The following SMYD4 variants were observed in gnomAD, a reference collection of about 807,000 sequenced individuals.
SMYD4 encodes the protein protein-lysine N-methyltransferase SMYD4.
In SMYD4, 68 loss-of-function variants were observed where a neutral mutation model predicts 72.8. That is an observed-to-expected ratio of 0.93 (90% CI 0.77 to 1.14). SMYD4 has a LOEUF of 1.14. Ranked by LOEUF, SMYD4 falls within the 50% of genes most tolerant of loss-of-function variation. SMYD4 has a pLI of 0.00. For synonymous variants in SMYD4, 407 were observed against 388.6 expected, an observed-to-expected ratio of 1.05 and a Z score of -0.56; for missense variants, 984 against 1,003.7, an observed-to-expected ratio of 0.98 and a Z score of 0.27.
chr17:1,795,317 G>T (rs1909332938), intron 5 of SMYD4, among the ~76,000 whole-genome samples: 1 of 151,340 alleles, frequency 6.6e-6, no homozygotes, highest in African/African-American at 2.4e-5. Flanking sequence ...TGTCGCCCTG[G>T]CTATCTATCT....
intron 5 of SMYD4, among the ~76,000 whole-genome samples, chr17:1,790,602 C>T (rs150411026): frequency 0.095 from 14,448 of 151,984 alleles, 938 homozygotes; most frequent in African/African-American, 0.18. Flanking sequence ...CTGCAACCTC[C>T]GCCTCCTGGG....
chr17:1,789,635 T>A (rs772276821), intron 5 of SMYD4, among the ~76,000 whole-genome samples: 2 of 151,266 alleles, frequency 1.3e-5, no homozygotes, highest in Admixed American at 1.3e-4. Flanking sequence ...CGTGGTGGCG[T>A]GCACCAGTAA....
At position 1,786,925 on chromosome 17, in the gene SMYD4, C is replaced by T. The variant is rs776999870; in HGVS notation, c.1769G>A (p.Arg590Lys). 22 of 1,614,056 alleles carry T rather than the reference C, an allele frequency of 1.4e-5. No homozygotes were observed. Among genetic ancestry groups the T allele is most frequent in the Non-Finnish European group, 1.8e-5 (21 of 1,180,046 alleles). The change falls in exon 7 of 11, where the codon AGG (arginine) becomes AAG (lysine). Residue 590 changes from arginine to lysine, a missense_variant. By Grantham distance (26) the Arg-to-Lys change is conservative. Transcript: ENST00000305513. ...MGVAERQQKLRSQYFFDCACP... is the reference protein window; with the variant it reads ...MGVAERQQKLKSQYFFDCACP... ...GGCGCAGTCAAAGAAATACTGAGACCTCAGCTTCTGCTGCCTTTCGGCAAC... is the reference window on the plus strand; with the variant it reads ...GGCGCAGTCAAAGAAATACTGAGACTTCAGCTTCTGCTGCCTTTCGGCAAC...
intron 2 of SMYD4, among the ~76,000 whole-genome samples, chr17:1,821,640 G>A (rs1193177170): frequency 2.6e-5 from 4 of 151,896 alleles, no homozygotes; most frequent in Non-Finnish European, 5.9e-5. Flanking sequence ...AATAAATTAC[G>A]TGTCAGAAGG....
At chr17:1,787,669 T>C in intron 5 of SMYD4, 65 bp from the exon 6 acceptor site, 8 of 1,468,002 alleles carry the variant, frequency 5.4e-6, no homozygotes, top group Non-Finnish European at 7.3e-6. Context: ...TGCCCTCTGT[T>C]CCTCAGAAGA....
chr17:1,784,420 T>C lies in SMYD4; in HGVS notation c.1926A>G (p.Glu642=). 3.7e-6 allele frequency: 6 copies of C among 1,614,186 alleles called. No homozygotes were observed. The highest frequency in any genetic ancestry group is 4.2e-6 in the Non-Finnish European group (5 of 1,180,038). The stretch of plus-strand genomic sequence containing the variant: ...CCAGGTGGTCCCTGCTGACGGCGGA[T>C]TCTGCACAAGATCTGCTGCCACAGC... ...VLRCGSRSCA[E]SAVSRDHLVS... Residue 642 remains glutamate, a synonymous_variant, in exon 8 of 11, where the codon GAA becomes GAG. Coordinates refer to ENST00000305513, the MANE Select transcript of SMYD4 (RefSeq NM_052928.3).
At chr17:1,811,406 C>T (rs1232277559) in intron 3 of SMYD4, among the ~76,000 whole-genome samples, 15 of 152,270 alleles carry the variant, frequency 9.9e-5, no homozygotes, top group Admixed American at 7.2e-4. Flanking sequence ...TGGTCTTGAA[C>T]CCCTGGCCTC....
chr17:1,783,030 C>T lies in SMYD4; in HGVS notation c.2261+5G>A, dbSNP rs758588311. Reference sequence around the variant, plus strand: ...TGTGCCCTGTGAAGTGGGAAAGGGACTCACCCGTTGAAAAAGATCTGGGCC... The same window carrying T: ...TGTGCCCTGTGAAGTGGGAAAGGGATTCACCCGTTGAAAAAGATCTGGGCC... On this transcript the variant is annotated splice_donor_5th_base_variant and intron_variant, in intron 10 of 10. Transcript: ENST00000305513. 3 of 1,613,584 alleles carry T rather than the reference C, an allele frequency of 1.9e-6. No homozygotes were observed. Among genetic ancestry groups the T allele is most frequent in the African/African-American group, 1.3e-5 (1 of 74,882 alleles).
At chr17:1,807,559 C>T (rs529304383) in intron 3 of SMYD4, among the ~76,000 whole-genome samples, 29 of 152,110 alleles carry the variant, frequency 1.9e-4, no homozygotes, top group Admixed American at 1.2e-3. Flanking sequence ...GACAGGGTTT[C>T]GCCCTTTTGG....
At chr17:1,816,022 T>C (rs1475331649) in intron 2 of SMYD4, among the ~76,000 whole-genome samples, 2 of 152,084 alleles carry the variant, frequency 1.3e-5, no homozygotes, top group Non-Finnish European at 2.9e-5. Flanking sequence ...TTTTTAAGCA[T>C]ACAGTTCACT....
chr17:1,786,778 G>A, intron 7 of SMYD4, 32 bp downstream of exon 7: 2 of 1,613,024 alleles, frequency 1.2e-6, no homozygotes, highest in Non-Finnish European at 1.7e-6. Flanking sequence ...CTGACCTCCA[G>A]GAAAAGTGGA....
In SMYD4 at chr17:1,783,366, C is replaced by A. The variant is rs767715466; in HGVS notation, c.2131G>T (p.Ala711Ser). Residue 711 changes from alanine to serine, a missense_variant, in exon 9 of 11, where the codon GCC becomes TCC. By Grantham distance (99) the Ala-to-Ser change is moderately conservative. Transcript: ENST00000305513. ...GTGAAGGCTCATGCTGTACCTAAGG[C>A]AGCACAGGCCCGGGCCAGGCCATCC... ...IADGLARACA[A>S]LGDWQKSATH... 1 of 1,612,284 alleles carries A rather than the reference C, an allele frequency of 6.2e-7. No individual in the cohort carries two copies. The highest frequency in any genetic ancestry group is 1.1e-5 in the South Asian group (1 of 91,008).
chr17:1,782,998 AAC>A, intron 10 of SMYD4, 35 bp downstream of exon 10: 1 of 1,589,194 alleles, frequency 6.3e-7, no homozygotes, highest in Non-Finnish European at 8.5e-7. Context: ...CTAGGAAAGG[AAC>A]AGTGTGTGCC....
intron 2 of SMYD4, among the ~76,000 whole-genome samples, chr17:1,817,200 G>A (rs1235518011): frequency 1.3e-5 from 2 of 152,040 alleles, no homozygotes; most frequent in Non-Finnish European, 2.9e-5. Context: ...ACCACGCCTG[G>A]CTAATTTTTG....
chr17:1,822,551 C>T (rs1321204173), intron 2 of SMYD4, among the ~76,000 whole-genome samples: 1 of 152,158 alleles, frequency 6.6e-6, no homozygotes, highest in Non-Finnish European at 1.5e-5. Flanking sequence ...GGAAGCTCTC[C>T]AATTCATTCT....
chr17:1,823,932 A>T (rs1911026928), intron 2 of SMYD4, among the ~76,000 whole-genome samples: 1 of 152,206 alleles, frequency 6.6e-6, no homozygotes, highest in Non-Finnish European at 1.5e-5. Context: ...TGAGCCCCTG[A>T]ATACAACCTA....
At chr17:1,788,645 T>G (rs1190733282) in intron 5 of SMYD4, among the ~76,000 whole-genome samples, 2 of 151,662 alleles carry the variant, frequency 1.3e-5, no homozygotes, top group East Asian at 3.9e-4. Flanking sequence ...CTCAGGAGGC[T>G]GAGGCAGGAG....
chr17:1,806,218 A>G (rs1372884251), intron 3 of SMYD4, among the ~76,000 whole-genome samples: 2 of 152,162 alleles, frequency 1.3e-5, no homozygotes, highest in Non-Finnish European at 2.9e-5. Context: ...TGTAAAAACA[A>G]AACTATAGAA....
chr17:1,803,067 G>A (rs772522751), intron 4 of SMYD4, among the ~76,000 whole-genome samples: 9 of 152,196 alleles, frequency 5.9e-5, no homozygotes, highest in Admixed American at 1.3e-4. Flanking sequence ...CGTTGAACCC[G>A]GGAGGCGGAG....
Sources: allele counts gnomAD v4.1 joint callset (sites outside exome capture counted in the v4.1 genomes callset), GRCh38; gene constraint gnomAD v4.1.1; transcripts MANE v1.5; gene names NCBI Gene and HGNC (gene_info 2026-07-23, HGNC 2026-07-21).